Variants in RGS7 observed in about 807,000 individuals in gnomAD.
RGS7 encodes regulator of G-protein signaling 7.
In RGS7, 27 loss-of-function variants were observed where a neutral mutation model predicts 81.1. The ratio of observed to expected loss-of-function variants is 0.33; its 90% CI spans 0.25 to 0.46. The LOEUF is 0.46. Ranked by LOEUF, RGS7 falls within the 20% of genes least tolerant of loss-of-function variation. The pLI is 1.00. For synonymous variants in RGS7, 208 were observed against 207.7 expected (o/e 1.00, Z -0.01); for missense variants, 396 against 607.4 (o/e 0.65, Z 3.66).
At chr1:240,966,177 G>A (rs147196137) in intron 4 of RGS7, among the ~76,000 whole-genome samples, 20 of 151,984 alleles carry the variant, frequency 1.3e-4, no homozygotes, top group Non-Finnish European at 2.6e-4. Context: ...TAAAAAAAAA[G>A]TCTGGATATG....
chr1:241,173,146 T>C (rs2070853624), intron 2 of RGS7, among the ~76,000 whole-genome samples: 1 of 152,206 alleles, frequency 6.6e-6, no homozygotes, highest in Non-Finnish European at 1.5e-5. Flanking sequence ...TAGGTTTTTA[T>C]ATCGCTCAAC....
intron 6 of RGS7, among the ~76,000 whole-genome samples, chr1:240,921,925 G>T (rs1469579415): frequency 8.6e-5 from 13 of 151,938 alleles, no homozygotes; most frequent in Non-Finnish European, 1.9e-4. Flanking sequence ...GAAAGCAAAA[G>T]ACCCAAATTA....
Position 240,968,547 on chromosome 1 carries a change from A to AT in RGS7, c.226+14531dup, listed in dbSNP as rs947641593. 2.2e-3 allele frequency among the ~76,000 whole-genome samples: 133 copies of AT among 59,710 alleles called. 1 individual carries two copies. Among genetic ancestry groups the AT allele is most frequent in the East Asian group, 0.014 (6 of 424 alleles). 39.2% of individuals were successfully genotyped at this position (59,710 alleles called of 152,430 possible). A position where few individuals can be genotyped will look rare whatever the true frequency, so the allele number is the denominator to read the frequency against. ...CACTTGAATTTAATATAACTGCAAA[A>AT]TTAAAAAAAAAAAGCATTTTAGTCT... On this transcript the variant is annotated intron_variant, in intron 4 of 18. Coordinates refer to ENST00000440928, the MANE Select transcript of RGS7 (RefSeq NM_001364886.1).
intron 2 of RGS7, among the ~76,000 whole-genome samples, chr1:241,131,613 T>C (rs1042177342): frequency 6.6e-6 from 1 of 152,146 alleles, no homozygotes; most frequent in Non-Finnish European, 1.5e-5. Flanking sequence ...TAGAAAAGCA[T>C]TTAAAAAGCA....
chr1:240,870,227 A>G (rs759631401), intron 6 of RGS7, 108 bp from the exon 7 acceptor site: 4 of 872,766 alleles, frequency 4.6e-6, no homozygotes, highest in Admixed American at 2.0e-5. Context: ...CCAAGTTGTA[A>G]TTTTTGATCA....
chr1:240,944,165 C>T (rs1302936000), intron 4 of RGS7, among the ~76,000 whole-genome samples: 1 of 150,946 alleles, frequency 6.6e-6, no homozygotes, highest in East Asian at 2.0e-4. Context: ...TTCAGATCTA[C>T]ATTATACAGC....
chr1:240,814,093 G>A (rs977871417), intron 12 of RGS7, among the ~76,000 whole-genome samples: 1 of 152,088 alleles, frequency 6.6e-6, no homozygotes, highest in Admixed American at 6.6e-5. Flanking sequence ...CTGAGAGAAG[G>A]GCTTAAAAGG....
chr1:241,065,371 C>T (rs2062001891), intron 3 of RGS7, among the ~76,000 whole-genome samples: 1 of 151,572 alleles, frequency 6.6e-6, no homozygotes, highest in Admixed American at 6.6e-5. Context: ...TGGGTACTCC[C>T]CAAAATTTAC....
intron 2 of RGS7, among the ~76,000 whole-genome samples, chr1:241,258,236 A>G (rs2077140193): frequency 6.6e-6 from 1 of 152,124 alleles, no homozygotes; most frequent in Admixed American, 6.6e-5. Flanking sequence ...TCTCAGTGAA[A>G]CCCATTTCCC....
chr1:241,220,994 G>GAAGGAAGGAAGGAAGA (rs1553289421), intron 2 of RGS7, among the ~76,000 whole-genome samples: 2 of 93,490 alleles, frequency 2.1e-5, no homozygotes, highest in Non-Finnish European at 4.7e-5. Flanking sequence ...AGGAAGGAAG[G>GAAGGAAGGAAGGAAGA]AAGAGAGAGA....
intron 6 of RGS7, among the ~76,000 whole-genome samples, chr1:240,898,893 T>C (rs565458118): frequency 6.6e-6 from 1 of 152,314 alleles, no homozygotes; most frequent in South Asian, 2.1e-4. Flanking sequence ...TGTTAAAATC[T>C]CCCATTATTA....
chr1:240,823,376 A>T, intron 10 of RGS7: 1 of 458,860 alleles, frequency 2.2e-6, no homozygotes. Flanking sequence ...AGCGGCCTGG[A>T]GCCACGGCCG....
At chr1:240,897,748 T>A (rs1669333086) in intron 6 of RGS7, among the ~76,000 whole-genome samples, 1 of 152,182 alleles carries the variant, frequency 6.6e-6, no homozygotes, top group Non-Finnish European at 1.5e-5. Context: ...ATTCTCTTTT[T>A]TTGTTGAGTT....
At chr1:241,126,133 T>A (rs574674842) in intron 2 of RGS7, among the ~76,000 whole-genome samples, 3 of 151,358 alleles carry the variant, frequency 2.0e-5, no homozygotes, top group Non-Finnish European at 4.4e-5. Flanking sequence ...CCCATTTATA[T>A]TTATTTATTT....
chr1:240,784,638 T>C (rs1270717156), intron 18 of RGS7, among the ~76,000 whole-genome samples: 1 of 146,750 alleles, frequency 6.8e-6, no homozygotes, highest in African/African-American at 2.6e-5. Flanking sequence ...AGAATAAGAC[T>C]CCGCCTCAAA....
At chr1:241,151,216 A>G (rs1299341667) in intron 2 of RGS7, among the ~76,000 whole-genome samples, 2 of 152,336 alleles carry the variant, frequency 1.3e-5, no homozygotes, top group East Asian at 3.9e-4. Flanking sequence ...GTTGACACCT[A>G]AAATTAGCTA....
chr1:240,949,771 C>G (rs977150931), intron 4 of RGS7, among the ~76,000 whole-genome samples: 10 of 149,134 alleles, frequency 6.7e-5, no homozygotes, highest in African/African-American at 2.5e-4. Flanking sequence ...TGGCTTGAAC[C>G]CAGGAGACGG....
intron 3 of RGS7, among the ~76,000 whole-genome samples, chr1:241,007,096 T>C (rs1425756391): frequency 6.6e-6 from 1 of 152,176 alleles, no homozygotes; most frequent in African/African-American, 2.4e-5. Context: ...TTTGTATTTT[T>C]AGTAGAGACA....
At chr1:241,021,810 T>C (rs569120824) in intron 3 of RGS7, among the ~76,000 whole-genome samples, 1 of 152,348 alleles carries the variant, frequency 6.6e-6, no homozygotes, top group East Asian at 1.9e-4. Context: ...AGCTGAGATT[T>C]GAAGCACTAA....
Sources: gnomAD v4.1 joint callset for allele counts (sites outside exome capture counted in the v4.1 genomes callset) on GRCh38, gnomAD v4.1.1 for gene constraint, MANE v1.5 for transcripts, NCBI Gene and HGNC (gene_info 2026-07-23, HGNC 2026-07-21) for gene names.